CDIN1: variants seen among roughly 807,000 people sequenced by gnomAD.
CDIN1 encodes the protein CDAN1 interacting nuclease 1.
Under a neutral mutation model 45.3 loss-of-function variants are expected in CDIN1, and 33 were observed. The ratio of observed to expected loss-of-function variants is 0.73; its 90% CI spans 0.55 to 0.97. CDIN1 has a LOEUF of 0.97. CDIN1 is among the 50% of genes least tolerant of loss of function. The pLI is 0.00. For missense variants in CDIN1, 303 were observed against 339.4 expected (o/e 0.89, Z 0.84); for synonymous variants, 118 against 124.4 (o/e 0.95, Z 0.34).
intron 5 of CDIN1, among the ~76,000 whole-genome samples, 196 bp from the exon 6 acceptor site, chr15:36,691,489 T>C (rs556232310): frequency 6.6e-6 from 1 of 152,076 alleles, no homozygotes; most frequent in African/African-American, 2.4e-5. Context: ...TCATCAAATC[T>C]GGTAGTGTGG....
intron 1 of CDIN1, among the ~76,000 whole-genome samples, chr15:36,592,568 C>T (rs28510874): frequency 0.22 from 33,277 of 152,136 alleles, 3,959 homozygotes; most frequent in Admixed American, 0.33. Context: ...ATGTGTAACT[C>T]GTTCATTCTT....
intron 10 of CDIN1, among the ~76,000 whole-genome samples, chr15:36,782,942 A>G (rs988003183): frequency 1.5e-4 from 23 of 152,196 alleles, no homozygotes; most frequent in African/African-American, 5.5e-4. Context: ...CCATTGTGTC[A>G]GATCATCCCA....
chr15:36,776,575 T>A (rs77301180), intron 10 of CDIN1, among the ~76,000 whole-genome samples: 8,911 of 152,268 alleles, frequency 0.059, 310 homozygotes, highest in South Asian at 0.12. Flanking sequence ...ATAAAATTAT[T>A]CTTCGTGCTA....
At chr15:36,779,196 CCAAA>C (rs2054291450) in intron 10 of CDIN1, among the ~76,000 whole-genome samples, 1 of 152,184 alleles carries the variant, frequency 6.6e-6, no homozygotes. Context: ...GAAACCACTA[CCAAA>C]CAATTAGAGT....
intron 10 of CDIN1, among the ~76,000 whole-genome samples, chr15:36,770,939 T>G (rs1189551114): frequency 6.6e-6 from 1 of 152,170 alleles, no homozygotes; most frequent in Non-Finnish European, 1.5e-5. Context: ...GGGGTGAACC[T>G]AGTGCCAGTC....
chr15:36,586,306 A>C (rs1397521180), intron 1 of CDIN1, among the ~76,000 whole-genome samples: 4 of 151,014 alleles, frequency 2.6e-5, no homozygotes, highest in African/African-American at 9.8e-5. Context: ...GTTTCTCGTC[A>C]CCCTTTTTCC....
chr15:36,751,434 C>G (rs939862778), intron 10 of CDIN1, among the ~76,000 whole-genome samples: 3 of 151,478 alleles, frequency 2.0e-5, no homozygotes, highest in African/African-American at 7.3e-5. Context: ...CAGCTCACGC[C>G]TATAATACCA....
At chr15:36,702,382 G>A (rs1241326510) in intron 8 of CDIN1, among the ~76,000 whole-genome samples, 1 of 152,148 alleles carries the variant, frequency 6.6e-6, no homozygotes, top group Non-Finnish European at 1.5e-5. Flanking sequence ...GACCATAAAT[G>A]CATATGCTGC....
chr15:36,613,802 C>T (rs1386726251), intron 1 of CDIN1: 11 of 1,603,488 alleles, frequency 6.9e-6, no homozygotes, highest in African/African-American at 2.7e-5. Flanking sequence ...CCAGGAAATC[C>T]AACCCAAAGA....
intron 5 of CDIN1, among the ~76,000 whole-genome samples, chr15:36,686,069 CA>C (rs1240226307): frequency 2.0e-5 from 3 of 151,844 alleles, no homozygotes; most frequent in African/African-American, 7.3e-5. Flanking sequence ...GGTATATACC[CA>C]AATGACTATA....
At chr15:36,790,154 G>T (rs11073197) in intron 10 of CDIN1, 122,109 of 152,140 alleles carry the variant, frequency 0.8, 51,871 homozygotes, top group East Asian at 0.95. Context: ...AGACTGGACT[G>T]TTGGTCTCTT....
rs901480252 is a variant in CDIN1, at chr15:36,735,985, G to A, written c.716+26024G>A. On this transcript the variant is annotated intron_variant, in intron 10 of 10. Coordinates refer to ENST00000566621, the MANE Select transcript of CDIN1 (RefSeq NM_001321759.2). The stretch of plus-strand genomic sequence containing the variant: ...TACTATCTGGTCATAGGATTTAGTT[G>A]CTAAGAGTTTGGTGTTAAGAAGGAG... Among the ~76,000 whole-genome samples, 4 of 152,148 alleles carry A rather than the reference G, an allele frequency of 2.6e-5. No individual in the cohort carries two copies. In the South Asian group the frequency reaches 8.3e-4, roughly 32 times the overall value.
At chr15:36,715,146 T>C (rs1566925077) in intron 10 of CDIN1, among the ~76,000 whole-genome samples, 1 of 152,196 alleles carries the variant, frequency 6.6e-6, no homozygotes, top group Non-Finnish European at 1.5e-5. Context: ...AGAGGAAATA[T>C]GGTCTTGATC....
chr15:36,692,033 G>GA, intron 6 of CDIN1, 93 bp from the exon 7 acceptor site: 4 of 1,032,402 alleles, frequency 3.9e-6, no homozygotes, highest in African/African-American at 1.8e-5. Flanking sequence ...CGGGGGTGGG[G>GA]GAAGAAAAGT....
At chr15:36,694,870 T>C (rs2140736667) in intron 7 of CDIN1, among the ~76,000 whole-genome samples, 1 of 152,320 alleles carries the variant, frequency 6.6e-6, no homozygotes, top group East Asian at 1.9e-4. Flanking sequence ...TGAGAGCACA[T>C]TTATGTGGAA....
intron 3 of CDIN1, among the ~76,000 whole-genome samples, chr15:36,649,486 A>G (rs1698497530): frequency 6.6e-6 from 1 of 152,190 alleles, no homozygotes; most frequent in African/African-American, 2.4e-5. Flanking sequence ...TACACATCCT[A>G]TGGGTGAAAT....
chr15:36,746,790 C>A, intron 10 of CDIN1: 5 of 143,152 alleles, frequency 3.5e-5, no homozygotes, highest in Admixed American at 9.4e-5. Flanking sequence ...GACAGGGTCT[C>A]ACTCTGTTGC....
intron 1 of CDIN1, chr15:36,618,058 T>C: frequency 1.3e-6 from 1 of 761,830 alleles, no homozygotes; most frequent in Non-Finnish European, 2.4e-6. Flanking sequence ...GTATTATTCC[T>C]CAGTCTTGGT....
chr15:36,793,718 T>C (rs1048866175), intron 10 of CDIN1, among the ~76,000 whole-genome samples: 6 of 152,124 alleles, frequency 3.9e-5, no homozygotes, highest in African/African-American at 1.4e-4. Flanking sequence ...TTTCCTGCAA[T>C]TGTCTGATAA....
Sources: allele counts gnomAD v4.1 joint callset (sites outside exome capture counted in the v4.1 genomes callset), GRCh38; gene constraint gnomAD v4.1.1; transcripts MANE v1.5; gene names NCBI Gene and HGNC (gene_info 2026-07-23, HGNC 2026-07-21).